SNPH: variants seen among roughly 807,000 people sequenced by gnomAD.
The protein encoded by SNPH is syntaphilin.
A neutral mutation model predicts 36.8 loss-of-function variants in SNPH; 10 were observed. The observed-to-expected ratio is 0.27, with a 90% CI of 0.17 to 0.46. The LOEUF is 0.46. SNPH is among the 20% of genes least tolerant of loss of function. The pLI is 1.00. For synonymous variants in SNPH, 281 were observed against 312.2 expected (o/e 0.90, Z 1.05); for missense variants, 622 against 744.0 (o/e 0.84, Z 1.91).
intron 2 of SNPH, among the ~76,000 whole-genome samples, chr20:1,274,718 T>C (rs2088110970): frequency 6.6e-6 from 1 of 152,202 alleles, no homozygotes; most frequent in Non-Finnish European, 1.5e-5. Context: ...CTGAGGACAC[T>C]GAGCTCTCTA....
At chr20:1,297,338 G>T in intron 5 of SNPH, 86 bp downstream of exon 5, 1 of 1,297,338 alleles carries the variant, frequency 7.7e-7, no homozygotes, top group South Asian at 1.3e-5. Context: ...GCAGGGTCGT[G>T]TTCTAACCAC....
At chr20:1,288,437 G>A (rs765101242) in intron 2 of SNPH, among the ~76,000 whole-genome samples, 24 of 152,098 alleles carry the variant, frequency 1.6e-4, no homozygotes, top group Non-Finnish European at 3.2e-4. Flanking sequence ...CAGAGGAGCT[G>A]AGGGTCTCTC....
intron 5 of SNPH, 38 bp from the exon 6 acceptor site, chr20:1,300,524 C>T: frequency 2.5e-6 from 4 of 1,612,968 alleles, no homozygotes; most frequent in Non-Finnish European, 3.4e-6. Context: ...CTTGCCTGAC[C>T]TCTTCCTCCC....
At position 1,300,593 on chromosome 20, in the gene SNPH, A is replaced by C. The variant is rs764056609; in HGVS notation, c.322A>C (p.Asn108His). Residue 108 changes from asparagine to histidine, a missense_variant, in exon 6 of 7, where the codon AAC becomes CAC. Physicochemically the swap from Asn to His is moderately conservative, Grantham distance 68 (BLOSUM62 1). Transcript: ENST00000381867. ...CATGAAATACACGCTGTGCAGTGAC[A>C]ACCATGGCATCAAGCCCCCGACCCC... ...RSMKYTLCSD[N>H]HGIKPPTPEQ... 2 of 1,613,922 alleles carry C rather than the reference A, an allele frequency of 1.2e-6. No individual in the cohort carries two copies. Among genetic ancestry groups the C allele is most frequent in the Non-Finnish European group, 1.7e-6 (2 of 1,180,002 alleles).
Position 1,297,184 on chromosome 20 carries a change from C to T in SNPH, c.222C>T (p.Gly74=), listed in dbSNP as rs1404557866. 1.9e-6 allele frequency: 3 copies of T among 1,613,914 alleles called. No homozygotes were observed. Among genetic ancestry groups the T allele is most frequent in the South Asian group, 2.2e-5 (2 of 91,068 alleles). ...CTGTGAGCGTGCGGGATGCCTACGG[C>T]ACCTCTTCGCTCAGCAGCAGCAGCA... The part of the protein sequence containing the change: ...SPPVSVRDAY[G]TSSLSSSSNS... The change falls in exon 5 of 7, where the codon GGC becomes GGT. Residue 74 remains glycine (G), a synonymous_variant. Transcript: ENST00000381867.
At chr20:1,278,080 G>A (rs926249123) in intron 2 of SNPH, among the ~76,000 whole-genome samples, 2 of 131,426 alleles carry the variant, frequency 1.5e-5, no homozygotes, top group Non-Finnish European at 1.6e-5. Flanking sequence ...ATCTGTGTGT[G>A]TCTCTGTGTG....
chr20:1,271,561 C>T (rs1252979300), intron 2 of SNPH, among the ~76,000 whole-genome samples: 4 of 152,136 alleles, frequency 2.6e-5, no homozygotes, highest in African/African-American at 9.7e-5. Flanking sequence ...AGGCTGGTCT[C>T]GAACTCCTGA....
chr20:1,279,354 C>T (rs565221580), intron 2 of SNPH, among the ~76,000 whole-genome samples: 2 of 152,340 alleles, frequency 1.3e-5, no homozygotes, highest in African/African-American at 4.8e-5. Flanking sequence ...TTGACAGCCA[C>T]ATATCCTCTT....
rs933121185 is a variant in SNPH at position 1,306,423 on chromosome 20, T to C, written c.*369T>C. On this transcript the variant is annotated 3_prime_UTR_variant, in exon 7 of 7. Coordinates refer to ENST00000381867, the MANE Select transcript of SNPH (RefSeq NM_001318234.2). ...GGGGAAGCCGGGCTTGAGTTGCCCATAGGCCCCTGCCCTGCACCATCCTGT... is the reference window on the plus strand; with the variant it reads ...GGGGAAGCCGGGCTTGAGTTGCCCACAGGCCCCTGCCCTGCACCATCCTGT... The C allele has an allele frequency of 1.8e-4, 36 of 195,218 alleles. No homozygotes were observed. The highest frequency in any genetic ancestry group is 8.4e-4 in the African/African-American group (36 of 42,916). The allele number at this position is 195,218 out of a possible 1,614,324, so 12.1% of individuals were successfully genotyped here.
intron 2 of SNPH, among the ~76,000 whole-genome samples, chr20:1,278,803 C>A (rs1311744564): frequency 6.6e-6 from 1 of 152,180 alleles, no homozygotes; most frequent in African/African-American, 2.4e-5. Flanking sequence ...CCTGCCTCAG[C>A]CTCCTGCGTA....
intron 4 of SNPH, 136 bp downstream of exon 4, chr20:1,296,557 C>CTAA: frequency 1.4e-6 from 1 of 722,600 alleles, no homozygotes; most frequent in South Asian, 1.9e-5. Flanking sequence ...AATGAGCTTG[C>CTAA]TAACACCTGC....
Position 1,308,227 on chromosome 20 carries a change from G to GC in SNPH, c.*2173_*2174insC, listed in dbSNP as rs1307706737. On this transcript the variant is annotated 3_prime_UTR_variant, in exon 7 of 7. Coordinates refer to ENST00000381867, the MANE Select transcript of SNPH (RefSeq NM_001318234.2). ...GAAGCCACCTGTGGAGGACTGGGCT[G>GC]TGGTTGGGCCTGAGGCCTGTGGAGG... 6.5e-6 allele frequency: 1 copy of GC among 153,688 alleles called. No individual in the cohort carries two copies. The highest frequency in any genetic ancestry group is 1.9e-4 in the East Asian group (1 of 5,216). The allele number at this position is 153,688 out of a possible 1,614,324, so 9.5% of individuals were successfully genotyped here. A position where few individuals can be genotyped will look rare whatever the true frequency, so the allele number is the denominator to read the frequency against.
chr20:1,275,656 T>G (rs1281629660), intron 2 of SNPH, among the ~76,000 whole-genome samples: 1 of 152,162 alleles, frequency 6.6e-6, no homozygotes, highest in Non-Finnish European at 1.5e-5. Flanking sequence ...CCTCTCCCCA[T>G]TTCTGTTCTC....
In SNPH at chr20:1,304,921, CAGG is replaced by C; in HGVS notation, c.489_491del (p.Glu163del). 1 of 1,613,494 alleles carries C rather than the reference CAGG, an allele frequency of 6.2e-7. No homozygotes were observed. The highest frequency in any genetic ancestry group is 1.1e-5 in the South Asian group (1 of 91,070). On this transcript the variant is annotated inframe_deletion, in exon 7 of 7. Transcript: ENST00000381867. The surrounding 1 kb of genome is among the most constrained non-coding windows in gnomAD (Gnocchi z 4.3). ...CCTGAAGACGCAGCTGTCACGCATG[CAGG>C]AGGACTGGATTGAGGAGGAGTGCCA...
rs1015966718 is a variant in SNPH at position 1,304,450 on chromosome 20, G to A, written c.441-428G>A. On this transcript the variant is annotated intron_variant, in intron 6 of 6. Coordinates refer to ENST00000381867, the MANE Select transcript of SNPH (RefSeq NM_001318234.2). The surrounding 1 kb of genome is among the most constrained non-coding windows in gnomAD (Gnocchi z 4.3). ...GCTACATCACTTTCTATAGAGCAGA[G>A]ATTTCCTGCCTAGTTTTTGTTGTTT... Among the ~76,000 whole-genome samples, 1 of 152,134 alleles carries A rather than the reference G, an allele frequency of 6.6e-6. No individual in the cohort carries two copies. Among genetic ancestry groups the A allele is most frequent in the East Asian group, 1.9e-4 (1 of 5,182 alleles).
At chr20:1,295,214 G>A (rs961273500) in intron 3 of SNPH, among the ~76,000 whole-genome samples, 5 of 152,160 alleles carry the variant, frequency 3.3e-5, no homozygotes, top group African/African-American at 7.2e-5. Flanking sequence ...CCAGACTCCG[G>A]TAACTTTGGG....
rs2088231925 is a variant in SNPH, at chr20:1,282,077, G to C, written c.-492-12874G>C. Among the ~76,000 whole-genome samples the C allele has an allele frequency of 1.3e-5, 2 of 152,208 alleles. 1 individual carries two copies. The highest frequency in any genetic ancestry group is 4.1e-4 in the South Asian group (2 of 4,832). On this transcript the variant is annotated intron_variant, in intron 2 of 6. Transcript: ENST00000381867. ...TGAACACTTTGCCTTTTAAGGCTTT[G>C]GCTAAGTGCTGGTGGTTTGATCAAG...
At position 1,297,263 on chromosome 20, in the gene SNPH, C is replaced by T. The variant is rs761182511; in HGVS notation, c.290+11C>T. On this transcript the variant is annotated intron_variant, in intron 5 of 6. Transcript: ENST00000381867. ...CAGTCCCACGCCAAGGTAATTGGCC[C>T]CTCCTCTCTGGGCCTGGCCCTGCTG... 4 of 1,610,970 alleles carry T rather than the reference C, an allele frequency of 2.5e-6. No homozygotes were observed. Among genetic ancestry groups the T allele is most frequent in the Non-Finnish European group, 2.5e-6 (3 of 1,178,438 alleles).
intron 2 of SNPH, among the ~76,000 whole-genome samples, chr20:1,287,213 C>T (rs2088294496): frequency 6.6e-6 from 1 of 152,156 alleles, no homozygotes; most frequent in Admixed American, 6.5e-5. Context: ...GGAATTGAAT[C>T]TCAATGTCAT....
Sources: gnomAD v4.1 joint callset for allele counts (sites outside exome capture counted in the v4.1 genomes callset) on GRCh38, gnomAD v4.1.1 for gene constraint, Gnocchi (gnomAD v3.1) non-coding constraint, MANE v1.5 for transcripts, NCBI Gene and HGNC (gene_info 2026-07-23, HGNC 2026-07-21) for gene names.